GABBR2: variants seen among roughly 807,000 people sequenced by gnomAD.
The protein encoded by GABBR2 is G-protein coupled receptor 51.
GABBR2 carries 23 observed loss-of-function variants against 105.6 expected under a neutral mutation model. The ratio of observed to expected loss-of-function variants is 0.22; its 90% CI spans 0.16 to 0.31. The LOEUF (loss-of-function observed/expected upper bound fraction) is 0.31. Among genes scored for constraint, GABBR2 ranks in the 10% least tolerant of loss-of-function variants. The pLI, the probability that GABBR2 is intolerant of heterozygous loss-of-function variation, is 1.00. For synonymous variants in GABBR2, 478 were observed against 499.7 expected, an observed-to-expected ratio of 0.96 and a Z score of 0.58; for missense variants, 734 against 1,245.5, an observed-to-expected ratio of 0.59 and a Z score of 6.18.
At chr9:98,641,950 G>A (rs1829968764) in intron 1 of GABBR2, among the ~76,000 whole-genome samples, 1 of 152,154 alleles carries the variant, frequency 6.6e-6, no homozygotes, top group Non-Finnish European at 1.5e-5. Flanking sequence ...GGCCTCACTC[G>A]AGGAGAGAAC....
chr9:98,330,078 T>C (rs1830997446), intron 13 of GABBR2, among the ~76,000 whole-genome samples: 3 of 152,204 alleles, frequency 2.0e-5, no homozygotes, highest in Admixed American at 1.3e-4. Context: ...ATTTCCTGTA[T>C]GGCTCTCCAG....
At chr9:98,642,823 T>C (rs2131838536) in intron 1 of GABBR2, among the ~76,000 whole-genome samples, 1 of 152,324 alleles carries the variant, frequency 6.6e-6, no homozygotes, top group Non-Finnish European at 1.5e-5. Flanking sequence ...CAGAAAGATT[T>C]GAAAAGCGCT....
chr9:98,654,774 T>C (rs1045770569), intron 1 of GABBR2, among the ~76,000 whole-genome samples: 3 of 152,202 alleles, frequency 2.0e-5, no homozygotes, highest in Non-Finnish European at 4.4e-5. Context: ...TGAAAACTTA[T>C]GTCTACACAA....
In GABBR2 at chr9:98,590,033, T is replaced by C. The variant is rs374851765; in HGVS notation, c.322-11961A>G. On this transcript the variant is annotated intron_variant, in intron 1 of 18. Transcript: ENST00000259455. ...CATGAGCCATCATGCCCTGCTGAAC[T>C]AGGTTATCTTATTCGCCTCTGTCCC... Among the ~76,000 whole-genome samples, 75 of 152,312 alleles carry C rather than the reference T, an allele frequency of 4.9e-4. 3 individuals carry two copies. The South Asian group carries it at 0.015, about 31-fold the overall frequency.
In GABBR2 at chr9:98,432,567, A is replaced by G. The variant is rs1213433354; in HGVS notation, c.1236+21414T>C. ...CCCACCTGCATGAATTTGACAAGCT[A>G]CACAACCCATTGATCTTCAGTTTCC... On this transcript the variant is annotated intron_variant, in intron 7 of 18. Transcript: ENST00000259455. Among the ~76,000 whole-genome samples the G allele has an allele frequency of 2.0e-5, 3 of 152,316 alleles. No individual in the cohort carries two copies. In the South Asian group the frequency reaches 6.2e-4, roughly 32 times the overall value.
intron 3 of GABBR2, among the ~76,000 whole-genome samples, chr9:98,514,628 G>A (rs1226185218): frequency 5.1e-5 from 6 of 116,636 alleles, no homozygotes; most frequent in African/African-American, 1.9e-4. Flanking sequence ...GAAGGGGAAC[G>A]TCACACACCG....
intron 2 of GABBR2, among the ~76,000 whole-genome samples, chr9:98,559,893 A>G (rs1404196541): frequency 2.0e-5 from 3 of 152,128 alleles, no homozygotes; most frequent in African/African-American, 7.2e-5. Flanking sequence ...GAAATCTGGG[A>G]AAATTAAGTA....
In GABBR2 at chr9:98,489,704, G is replaced by A. The variant is rs1218084898; in HGVS notation, c.732+6709C>T. Among the ~76,000 whole-genome samples, 5 of 151,618 alleles carry A rather than the reference G, an allele frequency of 3.3e-5. No individual in the cohort carries two copies. In the East Asian group the frequency reaches 9.8e-4, roughly 30 times the overall value. ...GAGAGAGCCCAACAGTCTGCCTACG[G>A]CGACCATCACACAATTGGGATGGCC... is the stretch of plus-strand genomic sequence containing the variant. On this transcript the variant is annotated intron_variant, in intron 4 of 18. Coordinates refer to ENST00000259455, the MANE Select transcript of GABBR2 (RefSeq NM_005458.8).
intron 2 of GABBR2, among the ~76,000 whole-genome samples, chr9:98,568,901 T>C (rs1828786498): frequency 6.6e-6 from 1 of 152,178 alleles, no homozygotes; most frequent in Admixed American, 6.5e-5. Flanking sequence ...GGGCATCTGA[T>C]GACAGCCAGG....
chr9:98,300,623 A>G (rs143061394), intron 16 of GABBR2, among the ~76,000 whole-genome samples: 171 of 152,314 alleles, frequency 1.1e-3, no homozygotes, highest in Non-Finnish European at 2.1e-3. Context: ...CCTGGCTGCT[A>G]TATCTCTTGT....
chr9:98,540,999 C>A (rs1164867806), intron 3 of GABBR2, among the ~76,000 whole-genome samples: 1 of 152,150 alleles, frequency 6.6e-6, no homozygotes, highest in Non-Finnish European at 1.5e-5. Flanking sequence ...AATGGCCCAG[C>A]AAATCCACTT....
intron 1 of GABBR2, among the ~76,000 whole-genome samples, chr9:98,592,590 C>A (rs1446421020): frequency 1.3e-5 from 2 of 152,158 alleles, no homozygotes; most frequent in African/African-American, 4.8e-5. Flanking sequence ...ATACTCCAAA[C>A]CTTATGCTCT....
intron 14 of GABBR2, among the ~76,000 whole-genome samples, chr9:98,307,339 G>A (rs1210866173): frequency 1.3e-5 from 2 of 152,170 alleles, no homozygotes; most frequent in Non-Finnish European, 2.9e-5. Flanking sequence ...CGGGCTGCAG[G>A]GACAGCTCAG....
At chr9:98,570,265 G>T (rs1433913372) in intron 2 of GABBR2, among the ~76,000 whole-genome samples, 1 of 152,202 alleles carries the variant, frequency 6.6e-6, no homozygotes, top group Non-Finnish European at 1.5e-5. Context: ...GCTGTCGAGG[G>T]GCGGCTGGGG....
rs374132971 is a variant in GABBR2 at position 98,318,215 on chromosome 9, C to T, written c.1894-7010G>A. Among the ~76,000 whole-genome samples the T allele has an allele frequency of 4.7e-4, 71 of 152,264 alleles. 1 individual carries two copies. The South Asian group carries it at 0.013, about 28-fold the overall frequency. On this transcript the variant is annotated intron_variant, in intron 13 of 18. Coordinates refer to ENST00000259455, the MANE Select transcript of GABBR2 (RefSeq NM_005458.8). ...AAAATGCAGATTCAGGTGCGCGGTC[C>T]CGGGTGGGGCCTGGGATGCTGCATT...
chr9:98,458,269 G>A (rs116299042), intron 6 of GABBR2, among the ~76,000 whole-genome samples: 2,061 of 152,340 alleles, frequency 0.014, 47 homozygotes, highest in African/African-American at 0.047. Context: ...TCCCCACAGA[G>A]GTGAAACTGG....
At chr9:98,642,747 G>A (rs547990826) in intron 1 of GABBR2, among the ~76,000 whole-genome samples, 23 of 152,318 alleles carry the variant, frequency 1.5e-4, no homozygotes, top group Middle Eastern at 3.4e-3. Flanking sequence ...TTAGGCGTGC[G>A]CGTGTGTGTG....
chr9:98,357,874 T>C (rs1450241879), intron 13 of GABBR2, among the ~76,000 whole-genome samples: 1 of 152,286 alleles, frequency 6.6e-6, no homozygotes, highest in Non-Finnish European at 1.5e-5. Context: ...TTTTAAAAAA[T>C]GGTTTTGCTA....
In GABBR2 at chr9:98,404,752, G is replaced by T. The variant is rs1832459796; in HGVS notation, c.1297+1329C>A. Among the ~76,000 whole-genome samples, 3 of 152,174 alleles carry T rather than the reference G, an allele frequency of 2.0e-5. No individual in the cohort carries two copies. The South Asian group carries it at 6.2e-4, about 32-fold the overall frequency. Reference sequence around the variant, plus strand: ...TCACACAAAGAAATTGGTCTGGATGGTTTCTGAGGCCCTTCTGACAGCAAC... The same window carrying T: ...TCACACAAAGAAATTGGTCTGGATGTTTTCTGAGGCCCTTCTGACAGCAAC... On this transcript the variant is annotated intron_variant, in intron 8 of 18. Transcript: ENST00000259455.
Sources: allele counts gnomAD v4.1 joint callset (sites outside exome capture counted in the v4.1 genomes callset), GRCh38; gene constraint gnomAD v4.1.1; transcripts MANE v1.5; gene names NCBI Gene and HGNC (gene_info 2026-07-23, HGNC 2026-07-21).